The following VGLL4 variants were observed in gnomAD, a reference collection of about 807,000 sequenced individuals.
The protein encoded by VGLL4 is transcription cofactor vestigial-like protein 4.
In VGLL4, 7 loss-of-function variants were observed where a neutral mutation model predicts 21.0. The observed-to-expected ratio is 0.33, with a 90% CI of 0.19 to 0.63. The LOEUF (loss-of-function observed/expected upper bound fraction) is 0.63. VGLL4 is among the 20% of genes least tolerant of loss of function. VGLL4 has a pLI of 0.78. For missense variants in VGLL4, 394 were observed against 425.7 expected, an observed-to-expected ratio of 0.93 and a Z score of 0.66; for synonymous variants, 222 against 173.2, an observed-to-expected ratio of 1.28 and a Z score of -2.21.
Position 11,650,914 on chromosome 3 carries a change from T to C in VGLL4, c.65-48892A>G, listed in dbSNP as rs149357680. 5.2e-3 allele frequency among the ~76,000 whole-genome samples: 797 copies of C among 152,294 alleles called. 5 individuals are homozygous for C. Among genetic ancestry groups the C allele is most frequent in the African/African-American group, 0.018 (739 of 41,562 alleles). On this transcript the variant is annotated intron_variant, in intron 2 of 5. Coordinates refer to the VGLL4 transcript ENST00000273038. Reference sequence around the variant, plus strand: ...AGGTCCGTCGCAATTTACCAGCACATTCCTCAGTGTACTAAGAACAGTACC... The same window carrying C: ...AGGTCCGTCGCAATTTACCAGCACACTCCTCAGTGTACTAAGAACAGTACC...
intron 2 of VGLL4, among the ~76,000 whole-genome samples, chr3:11,589,272 G>A (rs897396228): frequency 6.6e-6 from 1 of 152,140 alleles, no homozygotes; most frequent in African/African-American, 2.4e-5. Context: ...TCTAGAAATA[G>A]CTATGGAGGC....
At position 11,719,432 on chromosome 3, in the gene VGLL4, G is replaced by A. The variant is rs1207949200; in HGVS notation, c.-14+962C>T. 5 of 151,654 alleles carry A rather than the reference G, an allele frequency of 3.3e-5. No individual in the cohort carries two copies. Among genetic ancestry groups the A allele is most frequent in the Admixed American group, 3.3e-4 (5 of 15,218 alleles). The allele number at this position is 151,654 out of a possible 1,614,324, so 9.4% of individuals were successfully genotyped here. On this transcript the variant is annotated intron_variant, in intron 1 of 5. Coordinates refer to the VGLL4 transcript ENST00000273038. This position sits in a 1 kb window ranked among gnomAD's most constrained non-coding sequence, Gnocchi z 4.0. ...CCGCACTCACCGCCCGGCGGCTCTG[G>A]GCGCGCCCGCCTGGGGCCGGCCTGG...
chr3:11,582,837 C>G (rs2074267806), intron 2 of VGLL4, among the ~76,000 whole-genome samples: 1 of 152,168 alleles, frequency 6.6e-6, no homozygotes, highest in South Asian at 2.1e-4. Flanking sequence ...AGTCTCACTC[C>G]TGCACTGTAG....
rs776951448 is a variant in VGLL4, at chr3:11,643,426, G to T, written c.82+11C>A. The T allele has an allele frequency of 1.9e-6, 3 of 1,613,994 alleles. No individual in the cohort carries two copies. Among genetic ancestry groups the T allele is most frequent in the Non-Finnish European group, 8.5e-7 (1 of 1,179,882 alleles). ...GAGCAACGGGCAGTAATTCTACAAC[G>T]GGACATCTACCTTCGTAGCACAGAA... On this transcript the variant is annotated intron_variant, in intron 1 of 4. Transcript: ENST00000430365.
chr3:11,683,083 C>T (rs377659786), intron 2 of VGLL4, among the ~76,000 whole-genome samples: 2 of 151,888 alleles, frequency 1.3e-5, no homozygotes, highest in East Asian at 1.9e-4. Flanking sequence ...AAAAACCAGC[C>T]GAGCGTGGTG....
chr3:11,595,099 T>C (rs1262189892), intron 2 of VGLL4, among the ~76,000 whole-genome samples: 1 of 152,144 alleles, frequency 6.6e-6, no homozygotes, highest in Non-Finnish European at 1.5e-5. Flanking sequence ...AGGTGGAGGT[T>C]GTGGTGAGCC....
At chr3:11,662,798 C>T (rs924098132) in intron 2 of VGLL4, among the ~76,000 whole-genome samples, 3 of 152,126 alleles carry the variant, frequency 2.0e-5, no homozygotes, top group African/African-American at 7.2e-5. Context: ...AAATGTGATG[C>T]CTGGAGATAA....
At chr3:11,645,918 G>A (rs992956981), upstream of VGLL4, among the ~76,000 whole-genome samples, 1 of 152,120 alleles carries the variant, frequency 6.6e-6, no homozygotes, top group Admixed American at 6.5e-5. Context: ...GCTGCAGTGA[G>A]CCAAGATTGT....
chr3:11,565,171 C>G lies in VGLL4; in HGVS notation c.273-152G>C. 1 of 771,756 alleles carries G rather than the reference C, an allele frequency of 1.3e-6. No individual in the cohort carries two copies. Among genetic ancestry groups the G allele is most frequent in the Non-Finnish European group, 1.8e-6 (1 of 540,980 alleles). 47.8% of individuals were successfully genotyped at this position (771,756 alleles called of 1,614,324 possible). On this transcript the variant is annotated intron_variant, in intron 2 of 4. Coordinates refer to ENST00000430365, the MANE Select transcript of VGLL4 (RefSeq NM_001128219.3). The surrounding 1 kb of genome is among the most constrained non-coding windows in gnomAD (Gnocchi z 4.1). ...AGCACGATGAGGAGCCGGTTGCCAG[C>G]CCGGGTCAGCCGGACACCAAAGCCT...
chr3:11,641,540 T>A (rs2075688378), intron 1 of VGLL4, among the ~76,000 whole-genome samples: 1 of 152,230 alleles, frequency 6.6e-6, no homozygotes, highest in Non-Finnish European at 1.5e-5. Flanking sequence ...GTGTTTACAC[T>A]GAGAAAACCA....
At chr3:11,683,016 T>C (rs2076398120) in intron 2 of VGLL4, among the ~76,000 whole-genome samples, 1 of 151,992 alleles carries the variant, frequency 6.6e-6, no homozygotes, top group South Asian at 2.1e-4. Context: ...TCACCTGAGG[T>C]CAGGAGTTCA....
At chr3:11,665,310 T>C (rs2076104189) in intron 2 of VGLL4, among the ~76,000 whole-genome samples, 1 of 151,978 alleles carries the variant, frequency 6.6e-6, no homozygotes, top group Non-Finnish European at 1.5e-5. Context: ...AGACGGGGTT[T>C]CACCGTGTTA....
rs61220485 is a variant in VGLL4, at chr3:11,684,730, CTGTGTGTGTGTGTG to C, written c.64+18227_64+18240del. On this transcript the variant is annotated intron_variant, in intron 2 of 5. Transcript: ENST00000273038. ...ACTGGCCAACTGTTTCAACCTTTTT[CTGTGTGTGTGTGTG>C]TGTGTGTGTGTGTAAACAGAAAAGT... Among the ~76,000 whole-genome samples the C allele has an allele frequency of 6.5e-3, 966 of 148,782 alleles. 54 individuals are homozygous for C. In the East Asian group the frequency reaches 0.16, roughly 25 times the overall value.
intron 1 of VGLL4, among the ~76,000 whole-genome samples, chr3:11,615,976 C>T (rs1575456653): frequency 6.6e-6 from 1 of 152,226 alleles, no homozygotes; most frequent in African/African-American, 2.4e-5. Context: ...CATCACCTCA[C>T]CCCTGGGGCT....
upstream of VGLL4, among the ~76,000 whole-genome samples, chr3:11,647,817 A>G (rs531605450): frequency 6.6e-6 from 1 of 152,268 alleles, no homozygotes; most frequent in African/African-American, 2.4e-5. Flanking sequence ...AAATCAGTAA[A>G]CATCTAAACG....
At chr3:11,652,628 A>T (rs998062573) in intron 2 of VGLL4, among the ~76,000 whole-genome samples, 1 of 152,082 alleles carries the variant, frequency 6.6e-6, no homozygotes, top group Non-Finnish European at 1.5e-5. Flanking sequence ...ACCATGTTGG[A>T]CAGGTTGGTC....
At chr3:11,664,829 C>T (rs891697202) in intron 2 of VGLL4, among the ~76,000 whole-genome samples, 5 of 151,948 alleles carry the variant, frequency 3.3e-5, no homozygotes, top group African/African-American at 7.3e-5. Context: ...GTAATTAGTG[C>T]CTTAATATGT....
chr3:11,707,867 A>T (rs1328797447), intron 1 of VGLL4, among the ~76,000 whole-genome samples: 1 of 152,182 alleles, frequency 6.6e-6, no homozygotes, highest in Non-Finnish European at 1.5e-5. Context: ...TGTAAAAAAC[A>T]AACAAAAAGT....
At chr3:11,567,581 T>C (rs2073595605) in intron 2 of VGLL4, among the ~76,000 whole-genome samples, 1 of 152,228 alleles carries the variant, frequency 6.6e-6, no homozygotes, top group South Asian at 2.1e-4. Flanking sequence ...GAAACCAGCC[T>C]GTCCATAATG....
Sources: allele counts gnomAD v4.1 joint callset (sites outside exome capture counted in the v4.1 genomes callset), GRCh38; gene constraint gnomAD v4.1.1; non-coding constraint Gnocchi (gnomAD v3.1); transcripts MANE v1.5; gene names NCBI Gene and HGNC (gene_info 2026-07-23, HGNC 2026-07-21).